ANXA8: variants seen among roughly 807,000 people sequenced by gnomAD.
ANXA8 encodes the protein annexin A8, also known as VAC-beta.
A neutral mutation model predicts 26.8 loss-of-function variants in ANXA8; 9 were observed. That is an observed-to-expected ratio of 0.34 (90% CI 0.20 to 0.59). The LOEUF (loss-of-function observed/expected upper bound fraction) is 0.59, where lower values mean the gene tolerates loss of function less well. ANXA8 is among the 20% of genes least tolerant of loss of function. The pLI is 0.84. For missense variants in ANXA8, 83 were observed against 238.5 expected, an observed-to-expected ratio of 0.35 and a Z score of 4.29; for synonymous variants, 39 against 94.8, an observed-to-expected ratio of 0.41 and a Z score of 3.42.
At chr10:47,655,673 G>A in the ANXA8 span, among the ~76,000 whole-genome samples, 2 of 151,978 alleles carry the variant, frequency 1.3e-5, no homozygotes, top group Non-Finnish European at 2.9e-5. Flanking sequence ...GGTTTATGAA[G>A]TAGAGACAAC....
chr10:47,762,207 C>CT, the ANXA8 span, among the ~76,000 whole-genome samples: 1 of 151,844 alleles, frequency 6.6e-6, no homozygotes, highest in African/African-American at 2.4e-5. Context: ...GTTGGTGCGA[C>CT]GCGGTGGACG....
the ANXA8 span, among the ~76,000 whole-genome samples, chr10:47,720,388 T>C: frequency 1.4e-5 from 2 of 146,584 alleles, 1 homozygote; most frequent in African/African-American, 5.0e-5. Flanking sequence ...CCTTAACATA[T>C]AATTAGAATT....
At chr10:47,694,537 C>G in the ANXA8 span, among the ~76,000 whole-genome samples, 1 of 150,716 alleles carries the variant, frequency 6.6e-6, no homozygotes, top group Non-Finnish European at 1.5e-5. Flanking sequence ...TCTCCTGCCT[C>G]GGCCTCCCAA....
chr10:47,484,448 T>A (rs1839984726), upstream of ANXA8: 4 of 1,148,018 alleles, frequency 3.5e-6, no homozygotes, highest in East Asian at 6.0e-5. Context: ...CAATATTATT[T>A]TTTTTTTCCG....
At chr10:47,544,167 A>C in the ANXA8 span, among the ~76,000 whole-genome samples, 1 of 151,898 alleles carries the variant, frequency 6.6e-6, no homozygotes, top group Non-Finnish European at 1.5e-5. Context: ...GTAGCCTTAA[A>C]TGCTTCCAAG....
At chr10:47,526,093 A>C in the ANXA8 span, among the ~76,000 whole-genome samples, 7 of 134,578 alleles carry the variant, frequency 5.2e-5, 1 homozygote, top group Non-Finnish European at 7.8e-5. Context: ...TTTTTAAAAG[A>C]ATTTTTTTTA....
chr10:47,694,737 G>A, the ANXA8 span, among the ~76,000 whole-genome samples: 1 of 151,826 alleles, frequency 6.6e-6, no homozygotes, highest in Non-Finnish European at 1.5e-5. Flanking sequence ...AAAATTTGAA[G>A]TAACAGATGT....
the ANXA8 span, among the ~76,000 whole-genome samples, chr10:47,704,910 A>G: frequency 2.5e-3 from 382 of 152,154 alleles, 9 homozygotes; most frequent in African/African-American, 8.5e-3. Flanking sequence ...AAGATTTAAC[A>G]TTGTGAAGAT....
chr10:47,476,710 G>T (rs1400990657), intron 4 of ANXA8, among the ~76,000 whole-genome samples: 1 of 84,954 alleles, frequency 1.2e-5, no homozygotes, highest in African/African-American at 4.3e-5. Context: ...TATAGTTACT[G>T]GGTCCCCATC....
At chr10:47,735,240 T>C in the ANXA8 span, among the ~76,000 whole-genome samples, 1 of 139,168 alleles carries the variant, frequency 7.2e-6, no homozygotes, top group African/African-American at 2.7e-5. Flanking sequence ...GCTGGGACTA[T>C]AAGGGCAGAC....
At chr10:47,646,072 A>T in the ANXA8 span, among the ~76,000 whole-genome samples, 3 of 148,528 alleles carry the variant, frequency 2.0e-5, no homozygotes, top group African/African-American at 7.9e-5. Flanking sequence ...TTCATCTGTA[A>T]AAGTATCTGT....
At chr10:47,661,229 A>G in the ANXA8 span, among the ~76,000 whole-genome samples, 1 of 100,758 alleles carries the variant, frequency 9.9e-6, no homozygotes. Flanking sequence ...TGGACACCCA[A>G]CACTATATAA....
chr10:47,684,908 A>G, the ANXA8 span, among the ~76,000 whole-genome samples: 1 of 149,816 alleles, frequency 6.7e-6, no homozygotes, highest in African/African-American at 2.5e-5. Context: ...TTTTAAGCTC[A>G]TTAGCTATCA....
the ANXA8 span, among the ~76,000 whole-genome samples, chr10:47,733,333 TCTCTC>T: frequency 7.2e-6 from 1 of 139,210 alleles, no homozygotes; most frequent in South Asian, 2.2e-4. Context: ...TCTCTCTCTC[TCTCTC>T]ATCAGAAGAG....
the ANXA8 span, among the ~76,000 whole-genome samples, chr10:47,578,005 A>G: frequency 0.013 from 12 of 926 alleles, no homozygotes; most frequent in African/African-American, 0.077. Context: ...CTCCACCTCA[A>G]AAAAAAAAAA....
the ANXA8 span, among the ~76,000 whole-genome samples, chr10:47,958,834 A>C: frequency 6.7e-6 from 1 of 149,600 alleles, no homozygotes; most frequent in Non-Finnish European, 1.5e-5. Flanking sequence ...ATCAGATCTC[A>C]CGAGACTCAC....
the ANXA8 span, among the ~76,000 whole-genome samples, chr10:47,946,442 C>T: frequency 6.6e-6 from 1 of 150,478 alleles, no homozygotes; most frequent in African/African-American, 2.5e-5. Context: ...CAGTCTTATT[C>T]CCAACATCAA....
chr10:47,684,876 G>T, the ANXA8 span, among the ~76,000 whole-genome samples: 2 of 149,608 alleles, frequency 1.3e-5, no homozygotes, highest in Non-Finnish European at 2.9e-5. Context: ...ATGAGCCACC[G>T]CGCCCAGCCT....
the ANXA8 span, among the ~76,000 whole-genome samples, chr10:47,743,321 TATATATAC>T: frequency 9.5e-6 from 1 of 105,666 alleles, no homozygotes; most frequent in African/African-American, 3.4e-5. Context: ...TACACATATA[TATATATAC>T]ATATATATAT....
Sources: allele counts gnomAD v4.1 joint callset (sites outside exome capture counted in the v4.1 genomes callset), GRCh38; gene constraint gnomAD v4.1.1; transcripts MANE v1.5; gene names NCBI Gene and HGNC (gene_info 2026-07-23, HGNC 2026-07-21).